MAD2L1: variants seen among roughly 807,000 people sequenced by gnomAD.
The protein encoded by MAD2L1 is mitotic spindle assembly checkpoint protein MAD2A.
In MAD2L1, 10 loss-of-function variants were observed where a neutral mutation model predicts 25.9. That is an observed-to-expected ratio of 0.39 (90% CI 0.24 to 0.66). The LOEUF (loss-of-function observed/expected upper bound fraction) is 0.66, where lower values mean the gene tolerates loss of function less well. MAD2L1 is among the 30% of genes least tolerant of loss of function. MAD2L1 has a pLI of 0.49. For missense variants in MAD2L1, 180 were observed against 246.4 expected (o/e 0.73, Z 1.80); for synonymous variants, 81 against 91.8 (o/e 0.88, Z 0.67).
At chr4:120,065,476 A>T (rs1198247181) in intron 2 of MAD2L1, 196 bp downstream of exon 2, 1 of 494,856 alleles carries the variant, frequency 2.0e-6, no homozygotes, top group Non-Finnish European at 3.6e-6. Flanking sequence ...GATTTCTAAC[A>T]TCAAAATATT....
intron 2 of MAD2L1, among the ~76,000 whole-genome samples, chr4:120,063,530 T>C (rs1372757876): frequency 2.0e-5 from 3 of 152,176 alleles, no homozygotes; most frequent in Non-Finnish European, 4.4e-5. Context: ...CTGGCATTTA[T>C]CAACAACTTT....
chr4:120,059,886 C>T lies in MAD2L1; in HGVS notation c.*232G>A. 2.8e-6 allele frequency: 1 copy of T among 359,966 alleles called. No individual in the cohort carries two copies. Among genetic ancestry groups the T allele is most frequent in the Non-Finnish European group, 5.0e-6 (1 of 199,592 alleles). 22.3% of individuals were successfully genotyped at this position (359,966 alleles called of 1,614,324 possible). A position where few individuals can be genotyped will look rare whatever the true frequency, so the allele number is the denominator to read the frequency against. Reference sequence around the variant, plus strand: ...TACATCACAATGTTGACAAAAAAACCTCCTGGTTCCTTTTGAACAATGTGC... The same window carrying T: ...TACATCACAATGTTGACAAAAAAACTTCCTGGTTCCTTTTGAACAATGTGC... On this transcript the variant is annotated 3_prime_UTR_variant, in exon 5 of 5. Transcript: ENST00000296509.
intron 2 of MAD2L1, among the ~76,000 whole-genome samples, chr4:120,062,955 G>A (rs181094226): frequency 1.9e-3 from 289 of 152,278 alleles, no homozygotes; most frequent in African/African-American, 6.7e-3. Context: ...TGGTTAAAAC[G>A]TATTGGGTTT....
intron 3 of MAD2L1, among the ~76,000 whole-genome samples, chr4:120,061,536 G>A (rs993495968): frequency 6.6e-6 from 1 of 152,112 alleles, no homozygotes; most frequent in East Asian, 1.9e-4. Context: ...TTCTCTTCCA[G>A]GGAGTCTGGA....
At chr4:120,063,037 T>G (rs1483261218) in intron 2 of MAD2L1, among the ~76,000 whole-genome samples, 8 of 152,202 alleles carry the variant, frequency 5.3e-5, no homozygotes, top group Admixed American at 1.3e-4. Context: ...GCTGGACGGT[T>G]TAGTCATTCA....
chr4:120,056,835 G>A lies in MAD2L1; in HGVS notation c.*3283C>T, dbSNP rs1477717957. ...TTTCAGATCAAATTGTGAACTGTGG[G>A]GTGTGTTAGGAAGTATGTCAAGAAA... On this transcript the variant is annotated 3_prime_UTR_variant, in exon 5 of 5. Transcript: ENST00000296509. 2 of 152,128 alleles carry A rather than the reference G, an allele frequency of 1.3e-5. No individual in the cohort carries two copies. The highest frequency in any genetic ancestry group is 1.3e-4 in the Admixed American group (2 of 15,270). 9.4% of individuals were successfully genotyped at this position (152,128 alleles called of 1,614,324 possible).
Position 120,057,442 on chromosome 4 carries a change from G to A in MAD2L1, c.*2676C>T, listed in dbSNP as rs1043279590. ...GTGCAGCAAAAGCCAACCAATACAT[G>A]AGACTGTTATACCTCTGCACAAGCA... On this transcript the variant is annotated 3_prime_UTR_variant, in exon 5 of 5. Coordinates refer to ENST00000296509, the MANE Select transcript of MAD2L1 (RefSeq NM_002358.4). 3 of 152,240 alleles carry A rather than the reference G, an allele frequency of 2.0e-5. No individual in the cohort carries two copies. The highest frequency in any genetic ancestry group is 4.4e-5 in the Non-Finnish European group (3 of 68,090). The allele number at this position is 152,240 out of a possible 1,614,324, so 9.4% of individuals were successfully genotyped here.
At position 120,065,829 on chromosome 4, in the gene MAD2L1, A is replaced by C. The variant is rs756045621; in HGVS notation, c.74-11T>G. On this transcript the variant is annotated splice_polypyrimidine_tract_variant and intron_variant, in intron 1 of 4. Transcript: ENST00000296509. The stretch of plus-strand genomic sequence containing the variant: ...TGTTGATGCCGAATGCTGCAAGCAA[A>C]AGAAATGTTACAGAAAATTCATTAT... 6.2e-7 allele frequency: 1 copy of C among 1,611,204 alleles called. No individual in the cohort carries two copies. Among genetic ancestry groups the C allele is most frequent in the South Asian group, 1.1e-5 (1 of 90,628 alleles).
At position 120,062,077 on chromosome 4, in the gene MAD2L1, G is replaced by A. The variant is rs1261027768; in HGVS notation, c.239C>T (p.Ser80Leu). 6.2e-7 allele frequency: 1 copy of A among 1,610,974 alleles called. No homozygotes were observed. ...GATAACTACAACCAGTTTCTGAACTGAACACTTGTATAACCAATCTGCAAC... is the reference window on the plus strand; with the variant it reads ...GATAACTACAACCAGTTTCTGAACTAAACACTTGTATAACCAATCTGCAAC... ...EQLKDWLYKC[S>L]VQKLVVVISN... Residue 80 changes from serine to leucine, a missense_variant, in exon 3 of 5, where the codon TCA becomes TTA. Ser to Leu is a moderately radical substitution (Grantham distance 145). Coordinates refer to ENST00000296509, the MANE Select transcript of MAD2L1 (RefSeq NM_002358.4).
chr4:120,060,335 T>G (rs1387277818), intron 4 of MAD2L1, 45 bp from the exon 5 acceptor site: 1 of 1,456,416 alleles, frequency 6.9e-7, no homozygotes, highest in South Asian at 1.4e-5. Flanking sequence ...TTTCTAAAAG[T>G]AAAACTAATC....
intron 2 of MAD2L1, among the ~76,000 whole-genome samples, chr4:120,063,610 C>A (rs1726261574): frequency 6.6e-6 from 1 of 151,966 alleles, no homozygotes; most frequent in African/African-American, 2.4e-5. Context: ...AGAGATGAAA[C>A]CAATGGGGAT....
chr4:120,060,821 C>G, intron 4 of MAD2L1, 53 bp downstream of exon 4: 2 of 1,128,866 alleles, frequency 1.8e-6, no homozygotes, highest in Non-Finnish European at 2.6e-6. Context: ...ACGGCAGTAG[C>G]TTAGTCTTTT....
chr4:120,060,409 A>G (rs1726193561), intron 4 of MAD2L1, 119 bp from the exon 5 acceptor site: 6 of 653,906 alleles, frequency 9.2e-6, no homozygotes, highest in Non-Finnish European at 1.5e-5. Context: ...TTGGTCTCCA[A>G]TCACTAGTTA....
At position 120,066,773 on chromosome 4, in the gene MAD2L1, C is replaced by T. The variant is rs763221187; in HGVS notation, c.-39G>A. The T allele has an allele frequency of 1.3e-6, 2 of 1,489,588 alleles. No homozygotes were observed. The highest frequency in any genetic ancestry group is 1.9e-6 in the Non-Finnish European group (2 of 1,073,852). The allele number at this position is 1,489,588 out of a possible 1,614,324, so 92.3% of individuals were successfully genotyped here. ...AACAAAAGCACGCGCTTCCACTCCG[C>T]GGACAGCAACCACAGCGGCTCCAAC... On this transcript the variant is annotated 5_prime_UTR_variant, in exon 1 of 5. Transcript: ENST00000296509.
chr4:120,066,845 T>C lies in MAD2L1; in HGVS notation c.-111A>G. The C allele has an allele frequency of 2.6e-6, 2 of 760,650 alleles. No individual in the cohort carries two copies. The highest frequency in any genetic ancestry group is 4.4e-6 in the Non-Finnish European group (2 of 457,892). 47.1% of individuals were successfully genotyped at this position (760,650 alleles called of 1,614,324 possible). A position where few individuals can be genotyped will look rare whatever the true frequency, so the allele number is the denominator to read the frequency against. ...TCAAAAGTAACGACGCAGCACGTCG[T>C]CAGGTCCTTTGCGCAGGCGCGACGA... On this transcript the variant is annotated 5_prime_UTR_variant, in exon 1 of 5. Transcript: ENST00000296509.
chr4:120,057,645 C>T lies in MAD2L1; in HGVS notation c.*2473G>A, dbSNP rs1726132615. The T allele has an allele frequency of 1.3e-5, 2 of 152,278 alleles. No individual in the cohort carries two copies. The highest frequency in any genetic ancestry group is 2.9e-5 in the Non-Finnish European group (2 of 68,096). The allele number at this position is 152,278 out of a possible 1,614,324, so 9.4% of individuals were successfully genotyped here. A position where few individuals can be genotyped will look rare whatever the true frequency, so the allele number is the denominator to read the frequency against. On this transcript the variant is annotated 3_prime_UTR_variant, in exon 5 of 5. Transcript: ENST00000296509. ...GTCCAGGCCAGGCCTAGAGGCCTAT[C>T]ATGCTGTCTTAGAACCTTCTCTTTA...
At position 120,060,144 on chromosome 4, in the gene MAD2L1, C is replaced by T; in HGVS notation, c.592G>A (p.Ala198Thr). Residue 198 changes from alanine (A) to threonine (T), a missense_variant, in exon 5 of 5, where the codon GCC becomes ACC. By Grantham distance (58) the Ala-to-Thr change is moderately conservative. Coordinates refer to ENST00000296509, the MANE Select transcript of MAD2L1 (RefSeq NM_002358.4). ...TTIHKVNSMVAYKIPVND is the reference protein window; with the variant it reads ...TTIHKVNSMVTYKIPVND ...CAGTCATTGACAGGAATTTTGTAGG[C>T]CACCATGCTATTTACTTTGTGGATT... 3 of 1,603,458 alleles carry T rather than the reference C, an allele frequency of 1.9e-6. No individual in the cohort carries two copies. The highest frequency in any genetic ancestry group is 2.6e-6 in the Non-Finnish European group (3 of 1,173,900).
In MAD2L1 at chr4:120,066,645, C is replaced by T. The variant is rs766946794; in HGVS notation, c.73+17G>A. ...GACTCCGTTCCCCCCGATATATTGG[C>T]CTGCGCGAGAACTTACAGAAGAACT... On this transcript the variant is annotated intron_variant, in intron 1 of 4. Transcript: ENST00000296509. 9 of 1,596,668 alleles carry T rather than the reference C, an allele frequency of 5.6e-6. No individual in the cohort carries two copies. In the East Asian group the frequency reaches 1.8e-4, roughly 32 times the overall value.
rs769803640 is a variant in MAD2L1 at position 120,060,813 on chromosome 4, G to A, written c.445+61C>T. On this transcript the variant is annotated intron_variant, in intron 4 of 4. Transcript: ENST00000296509. ...CAAAATTTAATAAAGGGGTGATTAC[G>A]GCAGTAGCTTAGTCTTTTTGCCAAT... 32 of 1,000,590 alleles carry A rather than the reference G, an allele frequency of 3.2e-5. 1 individual carries two copies. Among genetic ancestry groups the A allele is most frequent in the South Asian group, 3.1e-4 (21 of 67,636 alleles). 62.0% of individuals were successfully genotyped at this position (1,000,590 alleles called of 1,614,324 possible).
Sources: allele counts gnomAD v4.1 joint callset (sites outside exome capture counted in the v4.1 genomes callset), GRCh38; gene constraint gnomAD v4.1.1; transcripts MANE v1.5; gene names NCBI Gene and HGNC (gene_info 2026-07-23, HGNC 2026-07-21).